POLR3E: variants seen among roughly 807,000 people sequenced by gnomAD.
The protein encoded by POLR3E is DNA-directed RNA polymerase III subunit RPC5.
Under a neutral mutation model 96.6 loss-of-function variants are expected in POLR3E, and 41 were observed. That is an observed-to-expected ratio of 0.42 (90% CI 0.33 to 0.55). POLR3E has a LOEUF of 0.55. Among genes scored for constraint, POLR3E ranks in the 20% least tolerant of loss-of-function variants. The probability of loss-of-function intolerance (pLI) is 0.06; values close to 1 mark genes in which losing one functional copy is unlikely to be tolerated. For synonymous variants in POLR3E, 396 were observed against 383.6 expected (o/e 1.03, Z -0.38); for missense variants, 849 against 952.1 (o/e 0.89, Z 1.43).
rs200740325 is a variant in POLR3E at position 22,328,512 on chromosome 16, T to C, written c.1869T>C (p.Phe623=). 2.4e-4 allele frequency: 382 copies of C among 1,613,598 alleles called. 2 individuals carry two copies. The highest frequency in any genetic ancestry group is 2.1e-3 in the East Asian group (96 of 44,846). Residue 623 remains phenylalanine (F), a splice_region_variant and synonymous_variant, in exon 19 of 21, where the codon TTT becomes TTC. Coordinates refer to ENST00000299853, the MANE Select transcript of POLR3E (RefSeq NM_018119.4). The stretch of plus-strand genomic sequence containing the variant: ...ACTCACCCCTGGGCCTTGGTCAGTT[T>C]CCCCCCCAGACTGCTGCTTCCCCGG... ...AAGCKQILVP[F]PPQTAASPDE... is the part of the protein sequence containing the mutation.
intron 3 of POLR3E, among the ~76,000 whole-genome samples, chr16:22,305,651 G>A (rs754893522): frequency 6.6e-6 from 1 of 152,120 alleles, no homozygotes; most frequent in Non-Finnish European, 1.5e-5. Flanking sequence ...GATGATGGCC[G>A]CTGTTGTCAT....
intron 2 of POLR3E, among the ~76,000 whole-genome samples, chr16:22,303,797 C>T (rs972077661): frequency 4.0e-5 from 6 of 149,064 alleles, no homozygotes; most frequent in African/African-American, 1.3e-4. Context: ...CCCATCACCA[C>T]GCCCGACTAA....
chr16:22,317,469 C>G (rs139506935), intron 12 of POLR3E, among the ~76,000 whole-genome samples: 1,857 of 152,336 alleles, frequency 0.012, 16 homozygotes, highest in Non-Finnish European at 0.017. Flanking sequence ...CTGTGCCATG[C>G]TCACCACTTG....
In POLR3E at chr16:22,323,076, C is replaced by A. The variant is rs2048503616; in HGVS notation, c.1068+145C>A. 4 of 607,358 alleles carry A rather than the reference C, an allele frequency of 6.6e-6. No individual in the cohort carries two copies. The South Asian group carries it at 7.8e-5, about 12-fold the overall frequency. The allele number at this position is 607,358 out of a possible 1,614,324, so 37.6% of individuals were successfully genotyped here. On this transcript the variant is annotated intron_variant, in intron 14 of 20. Coordinates refer to ENST00000299853, the MANE Select transcript of POLR3E (RefSeq NM_018119.4). The stretch of plus-strand genomic sequence containing the variant: ...GGCCCTGGCCTCTGCCTTTCTCCTC[C>A]TTCCTCTCAGAAGCCTGGAGTCTCG...
intron 1 of POLR3E, among the ~76,000 whole-genome samples, chr16:22,298,003 G>T (rs2047931678): frequency 1.3e-5 from 2 of 152,372 alleles, no homozygotes; most frequent in South Asian, 2.1e-4. Flanking sequence ...GCCTGCCGGA[G>T]CCCCCACTTC....
intron 2 of POLR3E, among the ~76,000 whole-genome samples, chr16:22,303,623 TGG>T (rs1286541180): frequency 7.0e-6 from 1 of 143,498 alleles, no homozygotes; most frequent in Non-Finnish European, 1.5e-5. Context: ...GTACAGGCAG[TGG>T]GAGGCAGATT....
intron 6 of POLR3E, among the ~76,000 whole-genome samples, chr16:22,312,445 C>T (rs903062221): frequency 2.6e-5 from 4 of 151,968 alleles, no homozygotes; most frequent in South Asian, 2.1e-4. Flanking sequence ...TGCAGTAAGC[C>T]GAGATCGCAC....
chr16:22,331,389 C>G (rs1390266261), intron 19 of POLR3E: 1 of 152,090 alleles, frequency 6.6e-6, no homozygotes, highest in Non-Finnish European at 1.5e-5. Flanking sequence ...TCCTTTATGC[C>G]AAACTGCAGA....
chr16:22,307,500 G>C (rs1462500315), intron 3 of POLR3E, among the ~76,000 whole-genome samples: 2 of 152,218 alleles, frequency 1.3e-5, no homozygotes, highest in African/African-American at 4.8e-5. Flanking sequence ...ACCTGAGAGA[G>C]AGAGGGACAG....
At chr16:22,311,950 A>C (rs933760265) in intron 6 of POLR3E, among the ~76,000 whole-genome samples, 2 of 152,118 alleles carry the variant, frequency 1.3e-5, no homozygotes, top group African/African-American at 4.8e-5. Context: ...CTGTGAGTGC[A>C]CTCTGCGATG....
chr16:22,309,540 G>A, intron 6 of POLR3E, 30 bp downstream of exon 6: 1 of 1,445,352 alleles, frequency 6.9e-7, no homozygotes, highest in Non-Finnish European at 9.7e-7. Flanking sequence ...CCGCGGTGGG[G>A]ACATGGCATT....
chr16:22,315,328 G>T, intron 9 of POLR3E, 120 bp downstream of exon 9: 4 of 1,100,160 alleles, frequency 3.6e-6, no homozygotes, highest in Non-Finnish European at 3.9e-6. Flanking sequence ...CACAGATAGA[G>T]GATCGAGTCC....
chr16:22,318,478 A>G lies in POLR3E; in HGVS notation c.866-348A>G, dbSNP rs9934137. ...TGATTGAGGGTACCAAGTGGAGCCAAGTGGCTTGGGTTCACTTCCTGGCTC... is the reference window on the plus strand; with the variant it reads ...TGATTGAGGGTACCAAGTGGAGCCAGGTGGCTTGGGTTCACTTCCTGGCTC... On this transcript the variant is annotated intron_variant, in intron 12 of 20. Transcript: ENST00000299853. The surrounding 1 kb of genome is among the most constrained non-coding windows in gnomAD (Gnocchi z 5.0). Among the ~76,000 whole-genome samples the G allele has an allele frequency of 0.2, 30,099 of 152,122 alleles. 7,004 individuals carry two copies. Among genetic ancestry groups the G allele is most frequent in the African/African-American group, 0.56 (23,408 of 41,462 alleles).
chr16:22,300,261 G>C (rs942758381), intron 1 of POLR3E, among the ~76,000 whole-genome samples: 2 of 152,236 alleles, frequency 1.3e-5, no homozygotes, highest in African/African-American at 4.8e-5. Flanking sequence ...GCAACTGTAT[G>C]TATGTTCTGG....
At chr16:22,323,476 A>G (rs1410855388) in intron 14 of POLR3E, among the ~76,000 whole-genome samples, 1 of 152,046 alleles carries the variant, frequency 6.6e-6, no homozygotes, top group Non-Finnish European at 1.5e-5. Context: ...TGGGAGCCAC[A>G]GTCTTCCTAG....
chr16:22,303,639 C>CTTTTT (rs58949663), intron 2 of POLR3E, among the ~76,000 whole-genome samples: 2,664 of 114,140 alleles, frequency 0.023, 228 homozygotes, highest in African/African-American at 0.083. Context: ...GCAGATTTCC[C>CTTTTT]TTTTTTTTTT....
intron 2 of POLR3E, among the ~76,000 whole-genome samples, chr16:22,304,530 C>T (rs1293875243): frequency 6.6e-6 from 1 of 152,072 alleles, no homozygotes. Context: ...GAGGAGCGAG[C>T]AGTCAAGGCT....
intron 8 of POLR3E, 136 bp downstream of exon 8, chr16:22,314,264 T>G (rs1027472540): frequency 2.9e-6 from 2 of 696,654 alleles, no homozygotes; most frequent in African/African-American, 1.8e-5. Context: ...CTGGGCTACC[T>G]GGAGGGAACA....
intron 2 of POLR3E, 66 bp from the exon 3 acceptor site, chr16:22,305,090 G>T (rs2141734931): frequency 7.8e-7 from 1 of 1,277,584 alleles, no homozygotes; most frequent in South Asian, 1.2e-5. Context: ...TGGAAGCGCT[G>T]GCATAGCCCG....
Sources: allele counts gnomAD v4.1 joint callset (sites outside exome capture counted in the v4.1 genomes callset), GRCh38; gene constraint gnomAD v4.1.1; non-coding constraint Gnocchi (gnomAD v3.1); transcripts MANE v1.5; gene names NCBI Gene and HGNC (gene_info 2026-07-23, HGNC 2026-07-21).